The following OGDHL variants were observed in gnomAD, a reference collection of about 807,000 sequenced individuals.
OGDHL encodes the protein 2-oxoglutarate dehydrogenase-like, mitochondrial.
A neutral mutation model predicts 109.6 loss-of-function variants in OGDHL; 79 were observed. The observed-to-expected ratio is 0.72, with a 90% confidence interval of 0.60 to 0.87. The LOEUF (loss-of-function observed/expected upper bound fraction) is 0.87. Ranked by LOEUF, OGDHL falls within the 40% of genes least tolerant of loss-of-function variation. The pLI is 0.00. For missense variants in OGDHL, 1,275 were observed against 1,362.2 expected, an observed-to-expected ratio of 0.94 and a Z score of 1.01; for synonymous variants, 528 against 537.2, an observed-to-expected ratio of 0.98 and a Z score of 0.24.
chr10:49,762,156 G>C (rs1588827272), intron 1 of OGDHL, 83 bp downstream of exon 1: 1 of 152,864 alleles, frequency 6.5e-6, no homozygotes, highest in Non-Finnish European at 1.5e-5. Context: ...GGACCCAGGA[G>C]AGAGGAGCTG....
rs768408112 is a variant in OGDHL, at chr10:49,747,107, G to A, written c.1089C>T (p.His363=). Residue 363 remains histidine (H), a synonymous_variant, in exon 9 of 23, where the codon CAC becomes CAT. Transcript: ENST00000374103. The part of the protein sequence containing the change: ...ITLSLVANPS[H]LEAVDPVVQG... ...GCACCACAGGGTCCACTGCCTCCAG[G>A]TGGGAGGGGTTGGCAACCAGCGACA... 1 of 1,614,176 alleles carries A rather than the reference G, an allele frequency of 6.2e-7. No homozygotes were observed. Among genetic ancestry groups the A allele is most frequent in the South Asian group, 1.1e-5 (1 of 91,082 alleles).
Position 49,758,315 on chromosome 10 carries a change from A to G in OGDHL, c.204+74T>C, listed in dbSNP as rs1343490268. 2.1e-6 allele frequency: 3 copies of G among 1,456,214 alleles called. No individual in the cohort carries two copies. The African/African-American group carries it at 4.2e-5, about 20-fold the overall frequency. 90.2% of individuals were successfully genotyped at this position (1,456,214 alleles called of 1,614,324 possible). Reference sequence around the variant, plus strand: ...CACAGCAGGCAAGCTGCTTCTCCCCACTGCCCTGCCACAGCCCGGCCCCCG... The same window carrying G: ...CACAGCAGGCAAGCTGCTTCTCCCCGCTGCCCTGCCACAGCCCGGCCCCCG... On this transcript the variant is annotated intron_variant, in intron 2 of 22. Transcript: ENST00000374103.
At chr10:49,754,715 T>C (rs973306799) in intron 3 of OGDHL, among the ~76,000 whole-genome samples, 3 of 150,714 alleles carry the variant, frequency 2.0e-5, no homozygotes, top group African/African-American at 7.3e-5. Flanking sequence ...ATCGAGCCTC[T>C]AGATCTAATT....
rs547499226 is a variant in OGDHL at position 49,739,871 on chromosome 10, C to T, written c.2141-32G>A. The stretch of plus-strand genomic sequence containing the variant: ...AGAAGACAAGATAGAGCTTGCTGCA[C>T]ACAGTCACCAAGTGGCAGTGGCTCC... On this transcript the variant is annotated intron_variant, in intron 16 of 22. Coordinates refer to ENST00000374103, the MANE Select transcript of OGDHL (RefSeq NM_018245.3). The T allele has an allele frequency of 1.4e-5, 23 of 1,598,754 alleles. No homozygotes were observed. In the Admixed American group the frequency reaches 1.5e-4, roughly 11 times the overall value.
chr10:49,746,876 G>A lies in OGDHL; in HGVS notation c.1170C>T (p.Val390=), dbSNP rs753503987. 1.2e-6 allele frequency: 2 copies of A among 1,614,112 alleles called. No homozygotes were observed. The highest frequency in any genetic ancestry group is 1.7e-6 in the Non-Finnish European group (2 of 1,179,994). ...FYRGDAQGKK[V]MSILVHGDAA... ...CGTCCCCATGAACCAGGATGGACATGACCTGCAGGGCAGGTGTGAGCCAGG... is the reference window on the plus strand; with the variant it reads ...CGTCCCCATGAACCAGGATGGACATAACCTGCAGGGCAGGTGTGAGCCAGG... The change falls in exon 10 of 23, where the codon GTC becomes GTT. Residue 390 remains valine, a splice_region_variant and synonymous_variant. Transcript: ENST00000374103.
chr10:49,749,963 C>G, intron 7 of OGDHL, 147 bp from the exon 8 acceptor site: 1 of 661,874 alleles, frequency 1.5e-6, no homozygotes, highest in South Asian at 1.8e-5. Context: ...GCACCATCCT[C>G]TCCTGCTGCT....
Position 49,745,391 on chromosome 10 carries a change from C to G in OGDHL, c.1582G>C (p.Ala528Pro). 6.2e-7 allele frequency: 1 copy of G among 1,614,142 alleles called. No individual in the cohort carries two copies. The highest frequency in any genetic ancestry group is 8.5e-7 in the Non-Finnish European group (1 of 1,180,042). ...HRQVPVLKKY[A>P]DKLIAEGTVT... ...GTGCCCTCGGCAATCAGCTTGTCTG[C>G]GTACTTCTTCAGCACAGGCACCTGT... Residue 528 changes from alanine to proline, a missense_variant, in exon 12 of 23, where the codon GCA (alanine) becomes CCA (proline). Coordinates refer to ENST00000374103, the MANE Select transcript of OGDHL (RefSeq NM_018245.3).
chr10:49,743,195 TG>T (rs1429484678), intron 14 of OGDHL, among the ~76,000 whole-genome samples: 3 of 152,222 alleles, frequency 2.0e-5, no homozygotes, highest in African/African-American at 7.2e-5. Context: ...AGGTACCACT[TG>T]GCAAGCATTG....
At position 49,752,707 on chromosome 10, in the gene OGDHL, G is replaced by C. The variant is rs773474437; in HGVS notation, c.409C>G (p.Leu137Val). 1.2e-6 allele frequency: 2 copies of C among 1,614,056 alleles called. No homozygotes were observed. The highest frequency in any genetic ancestry group is 3.3e-5 in the Admixed American group (2 of 60,008). The change falls in exon 4 of 23, where the codon CTG becomes GTG. Residue 137 changes from leucine to valine, a missense_variant. Leu to Val is a conservative substitution (Grantham distance 32). Transcript: ENST00000374103. ...RGHHVAQLDP[L>V]GILDADLDSF... ...TCCAGGTCTGCATCCAGAATGCCCA[G>C]GGGGTCCAGCTGGGCCACATGGTGA...
chr10:49,753,383 GA>G (rs1842730270), intron 3 of OGDHL, among the ~76,000 whole-genome samples: 1 of 152,160 alleles, frequency 6.6e-6, no homozygotes, highest in Non-Finnish European at 1.5e-5. Context: ...TTGAAGATTT[GA>G]CTTTCAAACC....
intron 7 of OGDHL, 54 bp from the exon 8 acceptor site, chr10:49,749,870 T>A: frequency 6.7e-7 from 1 of 1,486,732 alleles, no homozygotes; most frequent in Middle Eastern, 1.9e-4. Flanking sequence ...GCCTCAGGGT[T>A]CCCTCCCCCA....
chr10:49,747,003 C>T, intron 9 of OGDHL, 26 bp downstream of exon 9: 1 of 1,611,712 alleles, frequency 6.2e-7, no homozygotes, highest in Non-Finnish European at 8.5e-7. Flanking sequence ...GGCCCAGGTC[C>T]TCTGGGTTCC....
chr10:49,736,484 G>T lies in OGDHL; in HGVS notation c.2627C>A (p.Ala876Asp), dbSNP rs201276502. ...CACCTGCTCAGGGGCCCGTGCTGCG[G>T]CCCCATCTTCAGGAATCACCCGCTG... Reference protein sequence around the residue: ...SFQRVIPEDGAAARAPEQVQR... With the variant: ...SFQRVIPEDGDAARAPEQVQR... Residue 876 changes from alanine (A) to aspartate (D), a missense_variant, in exon 21 of 23, where the codon GCC (alanine) becomes GAC (aspartate). Coordinates refer to ENST00000374103, the MANE Select transcript of OGDHL (RefSeq NM_018245.3). 2 of 1,613,762 alleles carry T rather than the reference G, an allele frequency of 1.2e-6. No individual in the cohort carries two copies. The highest frequency in any genetic ancestry group is 1.7e-6 in the Non-Finnish European group (2 of 1,180,014).
rs1841183962 is a variant in OGDHL at position 49,736,404 on chromosome 10, T to C, written c.2707A>G (p.Ser903Gly). ...ACTTTCTCCTCCAGGTCCTGGCTGC[T>C]CCGCTCCTTCACCAGGTCATAGTAC... is the stretch of plus-strand genomic sequence containing the variant. Reference protein sequence around the residue: ...KVYYDLVKERSSQDLEEKVAI... With the variant: ...KVYYDLVKERGSQDLEEKVAI... Residue 903 changes from serine (S) to glycine (G), a missense_variant, in exon 21 of 23, where the codon AGC (serine) becomes GGC (glycine). Transcript: ENST00000374103. 6.2e-7 allele frequency: 1 copy of C among 1,614,024 alleles called. No individual in the cohort carries two copies.
chr10:49,754,546 A>C (rs1842803767), intron 3 of OGDHL, among the ~76,000 whole-genome samples: 1 of 152,204 alleles, frequency 6.6e-6, no homozygotes, highest in South Asian at 2.1e-4. Context: ...TCAGTTAATA[A>C]AGAAGGCAAA....
chr10:49,755,463 T>C (rs1047104932), intron 3 of OGDHL, among the ~76,000 whole-genome samples: 1 of 152,134 alleles, frequency 6.6e-6, no homozygotes, highest in African/African-American at 2.4e-5. Context: ...AAGGGGGAAA[T>C]TGATGAAACA....
At position 49,752,001 on chromosome 10, in the gene OGDHL, C is replaced by A. The variant is rs1444471922; in HGVS notation, c.595-20G>T. The A allele has an allele frequency of 6.2e-7, 1 of 1,613,820 alleles. No homozygotes were observed. The highest frequency in any genetic ancestry group is 1.3e-5 in the African/African-American group (1 of 74,894). ...GGTGTTCTGGGGAGACACATTGGGA[C>A]CCCATGAGGAGCGGGGAAGAGGGAC... On this transcript the variant is annotated intron_variant, in intron 5 of 22. Coordinates refer to ENST00000374103, the MANE Select transcript of OGDHL (RefSeq NM_018245.3).
intron 2 of OGDHL, 47 bp downstream of exon 2, chr10:49,758,342 G>A (rs1843037998): frequency 7.1e-6 from 11 of 1,557,908 alleles, no homozygotes; most frequent in Non-Finnish European, 8.7e-6. Context: ...CGGCCCCCGA[G>A]GGCTTCCCTC....
At chr10:49,737,907 G>GCCC in intron 19 of OGDHL, 40 bp downstream of exon 19, 1 of 1,614,108 alleles carries the variant, frequency 6.2e-7, no homozygotes, top group East Asian at 2.2e-5. Flanking sequence ...GCCTGGCCAG[G>GCCC]CCCCCTGCCT....
Sources: gnomAD v4.1 joint callset for allele counts (sites outside exome capture counted in the v4.1 genomes callset) on GRCh38, gnomAD v4.1.1 for gene constraint, MANE v1.5 for transcripts, NCBI Gene and HGNC (gene_info 2026-07-23, HGNC 2026-07-21) for gene names.